NT5DC3: variants seen among roughly 807,000 people sequenced by gnomAD.
The protein encoded by NT5DC3 is 5'-nucleotidase domain containing 3.
In NT5DC3, 42 loss-of-function variants were observed where a neutral mutation model predicts 67.8. The observed-to-expected ratio is 0.62, with a 90% CI of 0.48 to 0.80. The LOEUF is 0.80. Among genes scored for constraint, NT5DC3 ranks in the 30% least tolerant of loss-of-function variants. The pLI is 0.00. For missense variants in NT5DC3, 570 were observed against 696.4 expected (o/e 0.82, Z 2.04); for synonymous variants, 237 against 255.6 (o/e 0.93, Z 0.69).
chr12:103,749,369 G>A, the NT5DC3 span, among the ~76,000 whole-genome samples: 1 of 152,154 alleles, frequency 6.6e-6, no homozygotes, highest in Non-Finnish European at 1.5e-5. Flanking sequence ...AAATTCTTAA[G>A]TGTATTGCTT....
chr12:103,837,153 C>T (rs545133428), intron 1 of NT5DC3, among the ~76,000 whole-genome samples: 5 of 152,350 alleles, frequency 3.3e-5, no homozygotes, highest in East Asian at 1.9e-4. Context: ...TGGAAGCTGA[C>T]GAGGCTTGGG....
intron 1 of NT5DC3, among the ~76,000 whole-genome samples, chr12:103,815,587 A>G (rs1271244706): frequency 2.0e-5 from 3 of 151,878 alleles, no homozygotes; most frequent in African/African-American, 7.3e-5. Flanking sequence ...ACACCCTACT[A>G]ATTTTTGTAA....
chr12:103,794,022 A>G, intron 6 of NT5DC3, 25 bp from the exon 7 acceptor site: 2 of 1,594,140 alleles, frequency 1.3e-6, no homozygotes, highest in African/African-American at 1.3e-5. Flanking sequence ...ATTTTTAATC[A>G]GCGAAAATAC....
At chr12:103,822,418 C>T (rs1201086113) in intron 1 of NT5DC3, among the ~76,000 whole-genome samples, 5 of 152,076 alleles carry the variant, frequency 3.3e-5, no homozygotes, top group Non-Finnish European at 5.9e-5. Context: ...TTCAACCACT[C>T]GAATTACCAA....
chr12:103,812,664 AAT>A (rs1887085808), intron 2 of NT5DC3, among the ~76,000 whole-genome samples: 1 of 152,132 alleles, frequency 6.6e-6, no homozygotes, highest in South Asian at 2.1e-4. Context: ...TCGAGGAGAG[AAT>A]AGAGTCCTTT....
chr12:103,815,196 G>A lies in NT5DC3; in HGVS notation c.209-75C>T, dbSNP rs1254672420. 3 of 898,284 alleles carry A rather than the reference G, an allele frequency of 3.3e-6. No homozygotes were observed. In the African/African-American group the frequency reaches 5.1e-5, roughly 15 times the overall value. The allele number at this position is 898,284 out of a possible 1,614,324, so 55.6% of individuals were successfully genotyped here. On this transcript the variant is annotated intron_variant, in intron 1 of 13. Coordinates refer to ENST00000392876, the MANE Select transcript of NT5DC3 (RefSeq NM_001031701.3). ...AGTATGATTCCTAAAGAAAAAAAAT[G>A]AGTAAACTAGACTATAAAAGAGATT... is the stretch of plus-strand genomic sequence containing the variant.
the NT5DC3 span, chr12:103,757,937 G>A: frequency 1.3e-4 from 76 of 566,832 alleles, no homozygotes; most frequent in Non-Finnish European, 1.9e-4. Context: ...AAGCAGCCAC[G>A]TGGAGGATGG....
downstream of NT5DC3, among the ~76,000 whole-genome samples, chr12:103,767,548 C>CTGTT (rs1212301893): frequency 1.3e-4 from 20 of 152,222 alleles, no homozygotes; most frequent in African/African-American, 4.3e-4. Flanking sequence ...TCATGGTATG[C>CTGTT]TGTTTGTTAG....
At chr12:103,757,848 G>C in the NT5DC3 span, 1 of 356,478 alleles carries the variant, frequency 2.8e-6, no homozygotes, top group East Asian at 6.0e-5. Context: ...GACTTGGACT[G>C]TTCCTCTGAG....
chr12:103,770,574 A>G (rs1885157830), downstream of NT5DC3: 4 of 152,080 alleles, frequency 2.6e-5, no homozygotes, highest in Admixed American at 1.3e-4. Context: ...AGCTGCTGCT[A>G]TAGGCACCCA....
At chr12:103,749,406 T>C in the NT5DC3 span, among the ~76,000 whole-genome samples, 1 of 152,208 alleles carries the variant, frequency 6.6e-6, no homozygotes, top group African/African-American at 2.4e-5. Flanking sequence ...CCAACATTAA[T>C]TTCTTAGCTC....
chr12:103,826,057 T>C (rs998716755), intron 1 of NT5DC3, among the ~76,000 whole-genome samples: 2 of 152,200 alleles, frequency 1.3e-5, no homozygotes, highest in African/African-American at 4.8e-5. Flanking sequence ...TTTGGCACAG[T>C]GCTTGGCTCA....
intron 2 of NT5DC3, among the ~76,000 whole-genome samples, chr12:103,808,505 T>C (rs1886896760): frequency 6.6e-6 from 1 of 152,226 alleles, no homozygotes; most frequent in African/African-American, 2.4e-5. Context: ...ACAAAAACAT[T>C]TCCTGGGACC....
At chr12:103,749,841 C>CAAAAAAAAAAAAAAA in the NT5DC3 span, among the ~76,000 whole-genome samples, 39 of 51,156 alleles carry the variant, frequency 7.6e-4, 1 homozygote, top group Non-Finnish European at 1.1e-3. Context: ...CTCTGTCTCA[C>CAAAAAAAAAAAAAAA]AAAAAAAAAA....
chr12:103,799,415 G>T (rs984990275), intron 4 of NT5DC3, among the ~76,000 whole-genome samples: 2 of 152,130 alleles, frequency 1.3e-5, no homozygotes, highest in Non-Finnish European at 2.9e-5. Context: ...TAAGTCTCAC[G>T]AAATCTGATG....
chr12:103,818,827 T>C (rs942976125), intron 1 of NT5DC3, among the ~76,000 whole-genome samples: 6 of 152,186 alleles, frequency 3.9e-5, no homozygotes, highest in Non-Finnish European at 8.8e-5. Flanking sequence ...ATACTGAAGA[T>C]CCTCTGGCCT....
the NT5DC3 span, chr12:103,750,758 C>T: frequency 1.3e-6 from 2 of 1,582,682 alleles, no homozygotes; most frequent in East Asian, 4.5e-5. Flanking sequence ...AAGCACCCTC[C>T]TCTTCAGGCC....
intron 9 of NT5DC3, among the ~76,000 whole-genome samples, chr12:103,789,356 A>G (rs766164648): frequency 6.6e-6 from 1 of 152,160 alleles, no homozygotes; most frequent in Non-Finnish European, 1.5e-5. Context: ...CCCAGGAGGC[A>G]GAGCTTGCAG....
At chr12:103,838,815 A>G (rs1888257833) in intron 1 of NT5DC3, among the ~76,000 whole-genome samples, 1 of 152,276 alleles carries the variant, frequency 6.6e-6, no homozygotes, top group Non-Finnish European at 1.5e-5. Flanking sequence ...AACACTGGAT[A>G]AAACTCCAGG....
Sources: allele counts gnomAD v4.1 joint callset (sites outside exome capture counted in the v4.1 genomes callset), GRCh38; gene constraint gnomAD v4.1.1; transcripts MANE v1.5; gene names NCBI Gene and HGNC (gene_info 2026-07-23, HGNC 2026-07-21).